WWOX: variants seen among roughly 807,000 people sequenced by gnomAD.
WWOX encodes the protein WW domain containing oxidoreductase.
A neutral mutation model predicts 46.2 loss-of-function variants in WWOX; 69 were observed. That is an observed-to-expected ratio of 1.49 (90% CI 1.23 to 1.82). The LOEUF (loss-of-function observed/expected upper bound fraction) is 1.82, where lower values mean the gene tolerates loss of function less well. Among genes scored for constraint, WWOX ranks in the 40% most tolerant of loss-of-function variants. The probability of loss-of-function intolerance (pLI) is 0.00; values close to 1 mark genes in which losing one functional copy is unlikely to be tolerated. For synonymous variants in WWOX, 359 were observed against 202.6 expected, an observed-to-expected ratio of 1.77 and a Z score of -6.56; for missense variants, 919 against 542.6, an observed-to-expected ratio of 1.69 and a Z score of -6.89.
At chr16:78,361,892 G>A (rs2081417153) in intron 5 of WWOX, among the ~76,000 whole-genome samples, 1 of 151,704 alleles carries the variant, frequency 6.6e-6, no homozygotes. Flanking sequence ...GATTACAGGT[G>A]TGAGCTACAG....
intron 8 of WWOX, among the ~76,000 whole-genome samples, chr16:78,989,211 G>A (rs2046837047): frequency 6.6e-6 from 1 of 152,120 alleles, no homozygotes; most frequent in Non-Finnish European, 1.5e-5. Flanking sequence ...CATCTTGGAT[G>A]CCCCCATCCA....
At chr16:78,912,224 G>A (rs1484641342) in intron 8 of WWOX, among the ~76,000 whole-genome samples, 3 of 152,042 alleles carry the variant, frequency 2.0e-5, no homozygotes, top group African/African-American at 7.2e-5. Context: ...AGCCCCAGTT[G>A]TTTTGAAGCA....
At chr16:78,180,490 T>C (rs2035496859) in intron 5 of WWOX, among the ~76,000 whole-genome samples, 1 of 151,764 alleles carries the variant, frequency 6.6e-6, no homozygotes, top group African/African-American at 2.4e-5. Flanking sequence ...GGGGTATACA[T>C]GAGTGCTATT....
chr16:78,894,875 A>G (rs191308276), intron 8 of WWOX, among the ~76,000 whole-genome samples: 2 of 152,318 alleles, frequency 1.3e-5, no homozygotes, highest in East Asian at 3.9e-4. Context: ...AGCACTGTGC[A>G]TAACTCAGTT....
intron 5 of WWOX, among the ~76,000 whole-genome samples, chr16:78,322,991 G>A (rs1838204271): frequency 6.6e-6 from 1 of 152,140 alleles, no homozygotes; most frequent in African/African-American, 2.4e-5. Flanking sequence ...GTTAGGTTTG[G>A]ATGATGGGCC....
intron 8 of WWOX, among the ~76,000 whole-genome samples, chr16:78,770,956 G>T (rs772633791): frequency 1.3e-4 from 20 of 152,228 alleles, no homozygotes; most frequent in Non-Finnish European, 2.9e-5. Flanking sequence ...ACTGTACAAG[G>T]AAGACCTCTC....
At chr16:78,253,781 A>G (rs1288155114) in intron 5 of WWOX, among the ~76,000 whole-genome samples, 1 of 152,234 alleles carries the variant, frequency 6.6e-6, no homozygotes, top group African/African-American at 2.4e-5. Context: ...AATGGAATTT[A>G]CTAAATAAAA....
At chr16:78,948,253 C>A (rs1309825628) in intron 8 of WWOX, among the ~76,000 whole-genome samples, 1 of 152,138 alleles carries the variant, frequency 6.6e-6, no homozygotes, top group Non-Finnish European at 1.5e-5. Flanking sequence ...GACAGTGGCA[C>A]CACTAGCTAT....
chr16:78,363,484 T>G (rs116926409), intron 5 of WWOX, among the ~76,000 whole-genome samples: 9 of 151,990 alleles, frequency 5.9e-5, no homozygotes, highest in African/African-American at 2.2e-4. Context: ...TTGCTGTGTT[T>G]CCCAGGCTGT....
chr16:78,626,985 A>G (rs142289705), intron 8 of WWOX, among the ~76,000 whole-genome samples: 2 of 151,780 alleles, frequency 1.3e-5, no homozygotes, highest in East Asian at 1.9e-4. Context: ...GTGTGTTTTT[A>G]TCTTTGGTTT....
In WWOX at chr16:78,849,969, G is replaced by T. The variant is rs570213199; in HGVS notation, c.1057-361639G>T. Among the ~76,000 whole-genome samples, 146 of 152,224 alleles carry T rather than the reference G, an allele frequency of 9.6e-4. 1 individual carries two copies. Among genetic ancestry groups the T allele is most frequent in the Non-Finnish European group, 1.7e-3 (114 of 68,018 alleles). On this transcript the variant is annotated intron_variant, in intron 8 of 8. Coordinates refer to ENST00000566780, the MANE Select transcript of WWOX (RefSeq NM_016373.4). ...GGCCTGTAATCCCAGCTACTTGGGAGGCTGAGGCAGGAGAATAGCTTGAAC... is the reference window on the plus strand; with the variant it reads ...GGCCTGTAATCCCAGCTACTTGGGATGCTGAGGCAGGAGAATAGCTTGAAC...
At chr16:78,378,890 T>C (rs1263982115) in intron 5 of WWOX, among the ~76,000 whole-genome samples, 2 of 152,196 alleles carry the variant, frequency 1.3e-5, no homozygotes, top group Non-Finnish European at 2.9e-5. Flanking sequence ...AATAAGAATA[T>C]ATAGATGATG....
chr16:78,820,707 T>A (rs1034848199), intron 8 of WWOX, among the ~76,000 whole-genome samples: 1 of 152,146 alleles, frequency 6.6e-6, no homozygotes, highest in African/African-American at 2.4e-5. Flanking sequence ...CATAACAAAT[T>A]ATCGCAAACT....
chr16:78,490,984 G>C (rs562910431), intron 8 of WWOX, among the ~76,000 whole-genome samples: 1 of 152,300 alleles, frequency 6.6e-6, no homozygotes, highest in African/African-American at 2.4e-5. Context: ...CTGCCCCCGA[G>C]TGACCGCTCC....
chr16:78,220,008 T>C (rs2036839602), intron 5 of WWOX, among the ~76,000 whole-genome samples: 1 of 152,248 alleles, frequency 6.6e-6, no homozygotes, highest in East Asian at 1.9e-4. Flanking sequence ...ACCAGTATAA[T>C]TATTCTGTGA....
intron 8 of WWOX, among the ~76,000 whole-genome samples, chr16:78,767,185 A>G (rs571050434): frequency 5.9e-5 from 9 of 151,774 alleles, no homozygotes; most frequent in South Asian, 4.2e-4. Context: ...CAGTGGCACA[A>G]TCAAAGCTCA....
At chr16:78,782,936 C>G (rs996305435) in intron 8 of WWOX, among the ~76,000 whole-genome samples, 2 of 152,130 alleles carry the variant, frequency 1.3e-5, no homozygotes, top group Middle Eastern at 3.2e-3. Flanking sequence ...TTGACTTAGG[C>G]ATAGATTTCT....
rs74031431 is a variant in WWOX at position 78,790,526 on chromosome 16, A to G, written c.1056+357774A>G. ...CCTACAACTTTAAGAGTTCAGCCAA[A>G]AGAGACCAGTATCTACTACCGTGGA... On this transcript the variant is annotated intron_variant, in intron 8 of 8. Transcript: ENST00000566780. Among the ~76,000 whole-genome samples the G allele has an allele frequency of 5.6e-3, 857 of 152,302 alleles. 7 individuals carry two copies. Among genetic ancestry groups the G allele is most frequent in the African/African-American group, 0.02 (819 of 41,560 alleles).
intron 8 of WWOX, among the ~76,000 whole-genome samples, chr16:78,905,747 G>T (rs1253894436): frequency 6.6e-6 from 1 of 152,182 alleles, no homozygotes; most frequent in Non-Finnish European, 1.5e-5. Context: ...CCGATCAAAT[G>T]TGAGCAGAAT....
Sources: gnomAD v4.1 joint callset for allele counts (sites outside exome capture counted in the v4.1 genomes callset) on GRCh38, gnomAD v4.1.1 for gene constraint, MANE v1.5 for transcripts, NCBI Gene and HGNC (gene_info 2026-07-23, HGNC 2026-07-21) for gene names.